Variants in MARCHF6 observed in about 807,000 individuals in gnomAD.
MARCHF6 encodes the protein membrane associated ring-CH-type finger 6.
MARCHF6 carries 31 observed loss-of-function variants against 133.7 expected under a neutral mutation model. That is an observed-to-expected ratio of 0.23 (90% confidence interval 0.17 to 0.31). MARCHF6 has a LOEUF of 0.31. MARCHF6 is among the 10% of genes least tolerant of loss of function. MARCHF6 has a pLI of 1.00. For synonymous variants in MARCHF6, 395 were observed against 402.5 expected (o/e 0.98, Z 0.22); for missense variants, 723 against 1,121.6 (o/e 0.64, Z 5.08).
intron 14 of MARCHF6, 104 bp from the exon 15 acceptor site, chr5:10,403,303 G>T: frequency 4.5e-6 from 5 of 1,113,596 alleles, no homozygotes; most frequent in Non-Finnish European, 6.5e-6. Context: ...TCTAGGAATT[G>T]TTCCTTGCAT....
At chr5:10,356,438 C>T (rs551376526) in intron 1 of MARCHF6, among the ~76,000 whole-genome samples, 3 of 142,188 alleles carry the variant, frequency 2.1e-5, no homozygotes, top group African/African-American at 7.9e-5. Flanking sequence ...CCCTGTTGCC[C>T]AGGCTGAAGT....
At chr5:10,388,160 C>T (rs1337237496) in intron 5 of MARCHF6, among the ~76,000 whole-genome samples, 1 of 152,132 alleles carries the variant, frequency 6.6e-6, no homozygotes, top group Non-Finnish European at 1.5e-5. Flanking sequence ...TTGAGGGTCA[C>T]CTGAATTGCT....
At chr5:10,417,595 C>T (rs1487552440) in intron 22 of MARCHF6, 191 bp downstream of exon 22, 3 of 640,812 alleles carry the variant, frequency 4.7e-6, no homozygotes, top group Non-Finnish European at 5.2e-6. Context: ...AAAATTGGCT[C>T]ATGCGTCTGG....
chr5:10,411,547 A>G lies in MARCHF6; in HGVS notation c.1896+10A>G. On this transcript the variant is annotated intron_variant, in intron 19 of 25. Coordinates refer to ENST00000274140, the MANE Select transcript of MARCHF6 (RefSeq NM_005885.4). ...AAATTTTCCACTCAGGGTAGGTGCT[A>G]TACAGACTTAATCACATATAGAGGT... The G allele has an allele frequency of 6.3e-7, 1 of 1,598,242 alleles. No individual in the cohort carries two copies. Among genetic ancestry groups the G allele is most frequent in the Non-Finnish European group, 8.5e-7 (1 of 1,173,926 alleles).
intron 10 of MARCHF6, among the ~76,000 whole-genome samples, chr5:10,398,235 A>G (rs954079940): frequency 1.3e-5 from 2 of 152,162 alleles, no homozygotes; most frequent in African/African-American, 4.8e-5. Context: ...CCAAATTCCA[A>G]GTTATTTGCT....
At chr5:10,378,390 A>G (rs1173592597) in intron 2 of MARCHF6, among the ~76,000 whole-genome samples, 5 of 152,216 alleles carry the variant, frequency 3.3e-5, no homozygotes, top group Non-Finnish European at 5.9e-5. Flanking sequence ...CCTTGGCCAC[A>G]TAGCCAGCCA....
chr5:10,423,867 T>C, intron 23 of MARCHF6, 43 bp downstream of exon 23: 1 of 1,463,536 alleles, frequency 6.8e-7, no homozygotes, highest in Non-Finnish European at 9.6e-7. Context: ...CTGGAATTGG[T>C]TGTGTTTATG....
intron 1 of MARCHF6, among the ~76,000 whole-genome samples, chr5:10,367,080 C>A (rs776056209): frequency 6.6e-6 from 1 of 152,134 alleles, no homozygotes; most frequent in African/African-American, 2.4e-5. Context: ...ATGAATCATG[C>A]AATTTCCAGT....
intron 23 of MARCHF6, among the ~76,000 whole-genome samples, chr5:10,424,719 G>T (rs1285262115): frequency 6.6e-6 from 1 of 152,218 alleles, no homozygotes; most frequent in Non-Finnish European, 1.5e-5. Flanking sequence ...TAGATTTGGA[G>T]TGGGGGAAAG....
At chr5:10,357,353 GTT>G (rs56199979) in intron 1 of MARCHF6, among the ~76,000 whole-genome samples, 1 of 146,946 alleles carries the variant, frequency 6.8e-6, no homozygotes, top group African/African-American at 2.5e-5. Context: ...TAAAGCTGAG[GTT>G]TTTTTTTTTT....
intron 4 of MARCHF6, among the ~76,000 whole-genome samples, chr5:10,382,581 A>C (rs931710821): frequency 1.7e-4 from 26 of 152,018 alleles, no homozygotes; most frequent in African/African-American, 6.3e-4. Flanking sequence ...TAATCCCAGC[A>C]CTTTGGGAGG....
At position 10,415,579 on chromosome 5, in the gene MARCHF6, G is replaced by C; in HGVS notation, c.2058G>C (p.Trp686Cys). The part of the protein sequence containing the change: ...YTAACGLYVC[W>C]LTIRAVTVMV... ...CTGCTTGTGGTCTCTATGTTTGCTGGCTAACCATAAGGGCTGTGACGGTGA... is the reference window on the plus strand; with the variant it reads ...CTGCTTGTGGTCTCTATGTTTGCTGCCTAACCATAAGGGCTGTGACGGTGA... Residue 686 changes from tryptophan (W) to cysteine (C), a missense_variant, in exon 21 of 26, where the codon TGG (tryptophan) becomes TGC (cysteine). Trp to Cys is a radical substitution (Grantham distance 215, BLOSUM62 -2). Around this residue, in one of 4 missense-constraint regions of MARCHF6, gnomAD observed 492 missense variants for 699.5 expected, o/e 0.70. Transcript: ENST00000274140. 1 of 1,614,150 alleles carries C rather than the reference G, an allele frequency of 6.2e-7. No individual in the cohort carries two copies. The highest frequency in any genetic ancestry group is 8.5e-7 in the Non-Finnish European group (1 of 1,180,024).
At chr5:10,385,504 C>T (rs1391754447) in intron 4 of MARCHF6, among the ~76,000 whole-genome samples, 1 of 152,132 alleles carries the variant, frequency 6.6e-6, no homozygotes, top group Admixed American at 6.5e-5. Context: ...GTTTAGATTT[C>T]TCTGTTACGA....
At chr5:10,410,703 A>G (rs756510372) in intron 18 of MARCHF6, among the ~76,000 whole-genome samples, 1 of 152,024 alleles carries the variant, frequency 6.6e-6, no homozygotes, top group Non-Finnish European at 1.5e-5. Context: ...TATATACTCT[A>G]TATTTATTTA....
chr5:10,361,761 T>C (rs887245858), intron 1 of MARCHF6, among the ~76,000 whole-genome samples: 10 of 152,092 alleles, frequency 6.6e-5, no homozygotes, highest in African/African-American at 2.2e-4. Flanking sequence ...TTAACTTCAT[T>C]ATAATATCTT....
rs1735246683 is a variant in MARCHF6, at chr5:10,353,768, C to T, written c.-131C>T. Reference sequence around the variant, plus strand: ...TCCCTCTCCCTCTCCCCTCTCCTTCCTCTCGCTTCCTCTCTCGCACCTGAG... The same window carrying T: ...TCCCTCTCCCTCTCCCCTCTCCTTCTTCTCGCTTCCTCTCTCGCACCTGAG... On this transcript the variant is annotated 5_prime_UTR_variant, in exon 1 of 26. Coordinates refer to ENST00000274140, the MANE Select transcript of MARCHF6 (RefSeq NM_005885.4). 2 of 742,746 alleles carry T rather than the reference C, an allele frequency of 2.7e-6. No individual in the cohort carries two copies. Among genetic ancestry groups the T allele is most frequent in the African/African-American group, 1.8e-5 (1 of 54,582 alleles). The allele number at this position is 742,746 out of a possible 1,614,324, so 46.0% of individuals were successfully genotyped here.
intron 19 of MARCHF6, among the ~76,000 whole-genome samples, chr5:10,412,931 A>T (rs1223170625): frequency 6.6e-6 from 1 of 152,008 alleles, no homozygotes; most frequent in Non-Finnish European, 1.5e-5. Flanking sequence ...GAACAAGGGG[A>T]GAGATGAGGG....
rs138446303 is a variant in MARCHF6, at chr5:10,426,607, C to A, written c.2506+85C>A. The A allele has an allele frequency of 2.8e-4, 383 of 1,375,102 alleles. No individual in the cohort carries two copies. The African/African-American group carries it at 5.0e-3, about 18-fold the overall frequency. 85.2% of individuals were successfully genotyped at this position (1,375,102 alleles called of 1,614,324 possible). ...TTTACCCCTAGTAAAAAGGATGTCT[C>A]ACTCCATATGCTTTATTTGTAAATG... is the stretch of plus-strand genomic sequence containing the variant. On this transcript the variant is annotated intron_variant, in intron 24 of 25. Transcript: ENST00000274140.
chr5:10,394,705 A>C, intron 8 of MARCHF6, 48 bp from the exon 9 acceptor site: 1 of 1,448,714 alleles, frequency 6.9e-7, no homozygotes, highest in Non-Finnish European at 9.6e-7. Context: ...TAGAATAGAA[A>C]GTTCTGTTGC....
Sources: gnomAD v4.1 joint callset for allele counts (sites outside exome capture counted in the v4.1 genomes callset) on GRCh38, gnomAD v4.1.1 for gene constraint, gnomAD v4.1.1 regional missense constraint, MANE v1.5 for transcripts, NCBI Gene and HGNC (gene_info 2026-07-23, HGNC 2026-07-21) for gene names.